Variants in NKAIN1 observed in about 807,000 individuals in gnomAD.
NKAIN1 encodes the protein sodium/potassium-transporting ATPase subunit beta-1-interacting protein 1.
NKAIN1 carries 13 observed loss-of-function variants against 31.6 expected under a neutral mutation model. The ratio of observed to expected loss-of-function variants is 0.41; its 90% confidence interval spans 0.27 to 0.65. The LOEUF is 0.65. NKAIN1 is among the 30% of genes least tolerant of loss of function. The pLI, the probability that NKAIN1 is intolerant of heterozygous loss-of-function variation, is 0.30. For synonymous variants in NKAIN1, 104 were observed against 109.0 expected (o/e 0.95, Z 0.28); for missense variants, 193 against 262.2 (o/e 0.74, Z 1.82).
chr1:31,187,897 G>A (rs1053263697), intron 2 of NKAIN1, among the ~76,000 whole-genome samples, 153 bp downstream of exon 2: 1 of 152,068 alleles, frequency 6.6e-6, no homozygotes, highest in Non-Finnish European at 1.5e-5. Context: ...AAGAAGCATG[G>A]GGCTGTGCAC....
rs189750872 is a variant in NKAIN1, at chr1:31,218,151, C to T, written c.54+21343G>A. 4.6e-3 allele frequency among the ~76,000 whole-genome samples: 699 copies of T among 151,546 alleles called. 5 individuals carry two copies. The highest frequency in any genetic ancestry group is 0.016 in the African/African-American group (653 of 41,202). ...ATTCTCAGCTCACTGCAGCCTCTGC[C>T]TCCCAGGTTCAAGCAATTCTCCTGC... On this transcript the variant is annotated intron_variant, in intron 1 of 6. Transcript: ENST00000373736.
intron 1 of NKAIN1, among the ~76,000 whole-genome samples, chr1:31,216,614 A>T (rs976479303): frequency 1.3e-5 from 2 of 152,132 alleles, no homozygotes; most frequent in Non-Finnish European, 2.9e-5. Context: ...GGAGAGCTGG[A>T]GGACTTTTCT....
Position 31,184,010 on chromosome 1 carries a change from C to G in NKAIN1, c.278G>C (p.Arg93Pro). The G allele has an allele frequency of 1.9e-6, 3 of 1,612,998 alleles. No individual in the cohort carries two copies. The highest frequency in any genetic ancestry group is 1.7e-6 in the Non-Finnish European group (2 of 1,179,590). ...YLEVGQLSQD[R>P]DFIMTFNTSL... ...TGTGTTGAAGGTCATGATGAAGTCC[C>G]GGTCCTGGGGGCAAAGGGGCCTGGG... Residue 93 changes from arginine (R) to proline (P), a missense_variant, in exon 4 of 7, where the codon CGG (arginine) becomes CCG (proline). Physicochemically the swap from Arg to Pro is moderately radical, Grantham distance 103 (BLOSUM62 -2). Transcript: ENST00000373736.
chr1:31,201,085 C>T (rs1645376725), intron 1 of NKAIN1, among the ~76,000 whole-genome samples: 1 of 152,114 alleles, frequency 6.6e-6, no homozygotes, highest in Admixed American at 6.6e-5. Flanking sequence ...GCGGGTGGAT[C>T]ACGAGGTCAG....
chr1:31,209,058 CACTGGGCCAAG>C (rs1028927925), intron 1 of NKAIN1, among the ~76,000 whole-genome samples: 4 of 152,208 alleles, frequency 2.6e-5, no homozygotes, highest in African/African-American at 9.7e-5. Context: ...AAGACCATCC[CACTGGGCCAAG>C]ACTGGGCCAA....
At chr1:31,222,583 A>T (rs1226077795) in intron 1 of NKAIN1, among the ~76,000 whole-genome samples, 1 of 152,202 alleles carries the variant, frequency 6.6e-6, no homozygotes, top group Non-Finnish European at 1.5e-5. Context: ...TGAGAGGAAG[A>T]GGAACAGGAG....
At chr1:31,201,656 C>G (rs180841215) in intron 1 of NKAIN1, among the ~76,000 whole-genome samples, 1 of 152,140 alleles carries the variant, frequency 6.6e-6, no homozygotes, top group Non-Finnish European at 1.5e-5. Context: ...CCACCGCGCC[C>G]GGCCAATCCT....
At chr1:31,198,924 T>C (rs1645353204) in intron 1 of NKAIN1, among the ~76,000 whole-genome samples, 2 of 152,126 alleles carry the variant, frequency 1.3e-5, no homozygotes, top group Admixed American at 1.3e-4. Flanking sequence ...CCACCCTAGC[T>C]CCAGGAAGCT....
At chr1:31,213,358 G>A (rs1264636465) in intron 1 of NKAIN1, among the ~76,000 whole-genome samples, 1 of 152,182 alleles carries the variant, frequency 6.6e-6, no homozygotes, top group Non-Finnish European at 1.5e-5. Context: ...AGTCATTTGG[G>A]AAATGCAAAT....
In NKAIN1 at chr1:31,183,894, C is replaced by T. The variant is rs771458192; in HGVS notation, c.394G>A (p.Val132Ile). Residue 132 changes from valine to isoleucine, a missense_variant, in exon 4 of 7, where the codon GTC becomes ATC. Physicochemically the swap from Val to Ile is conservative, Grantham distance 29. Transcript: ENST00000373736. Reference protein sequence around the residue: ...NSRLALEDHHVISVTGCLLDY... With the variant: ...NSRLALEDHHIISVTGCLLDY... ...AGCAGGCAGCCAGTGACAGAGATGACATGGTGGTCCTCCAGAGCCAGGCGG... is the reference window on the plus strand; with the variant it reads ...AGCAGGCAGCCAGTGACAGAGATGATATGGTGGTCCTCCAGAGCCAGGCGG... 2 of 1,614,130 alleles carry T rather than the reference C, an allele frequency of 1.2e-6. No individual in the cohort carries two copies. Among genetic ancestry groups the T allele is most frequent in the South Asian group, 2.2e-5 (2 of 91,082 alleles).
chr1:31,216,690 T>TTTTATCTATTTATCTATTTATTTATTTA (rs369336386), intron 1 of NKAIN1, among the ~76,000 whole-genome samples: 108 of 140,570 alleles, frequency 7.7e-4, no homozygotes, highest in East Asian at 6.7e-3. Flanking sequence ...TGGCATTGAC[T>TTTTATCTATTTATCTATTTATTTATTTA]TTTATTTATT....
intron 1 of NKAIN1, among the ~76,000 whole-genome samples, chr1:31,198,769 G>A (rs1645351731): frequency 6.6e-6 from 1 of 151,334 alleles, no homozygotes; most frequent in East Asian, 1.9e-4. Flanking sequence ...CAGCTGAAGG[G>A]GGATGCCGTT....
At chr1:31,200,019 ACACACG>A (rs1168863265) in intron 1 of NKAIN1, among the ~76,000 whole-genome samples, 4 of 68,616 alleles carry the variant, frequency 5.8e-5, no homozygotes, top group African/African-American at 1.0e-4. Context: ...ACATGCACAC[ACACACG>A]CACACACACA....
chr1:31,224,162 T>C (rs1278384053), intron 1 of NKAIN1, among the ~76,000 whole-genome samples: 1 of 152,236 alleles, frequency 6.6e-6, no homozygotes, highest in African/African-American at 2.4e-5. Context: ...GCTGCAGAGG[T>C]TGGGGACATC....
rs11303246 is a variant in NKAIN1, at chr1:31,186,394, GTT to G, written c.193-1069_193-1068del. Among the ~76,000 whole-genome samples the G allele has an allele frequency of 5.8e-3, 562 of 97,308 alleles. 7 individuals are homozygous for G. The highest frequency in any genetic ancestry group is 0.029 in the South Asian group (71 of 2,466). The allele number at this position is 97,308 out of a possible 152,430, so 63.8% of individuals were successfully genotyped here. On this transcript the variant is annotated intron_variant, in intron 2 of 6. Coordinates refer to ENST00000373736, the MANE Select transcript of NKAIN1 (RefSeq NM_024522.3). Reference sequence around the variant, plus strand: ...AAAAAAAAAGTCTTAATTCTTTTGTGTTTTTTTTTTTTTTTTTTTTTTTAAGA... The same window carrying G: ...AAAAAAAAAGTCTTAATTCTTTTGTGTTTTTTTTTTTTTTTTTTTTTAAGA...
Position 31,181,474 on chromosome 1 carries a change from C to T in NKAIN1, c.*229G>A, listed in dbSNP as rs1570445962. On this transcript the variant is annotated 3_prime_UTR_variant, in exon 7 of 7. Transcript: ENST00000373736. ...AACAAAAAACCCGTGGTGCCCCTCC[C>T]CCGCCCCGCCCCACTCCTCCGAAGT... The T allele has an allele frequency of 2.4e-6, 1 of 415,024 alleles. No individual in the cohort carries two copies. Among genetic ancestry groups the T allele is most frequent in the Non-Finnish European group, 4.3e-6 (1 of 233,916 alleles). The allele number at this position is 415,024 out of a possible 1,614,324, so 25.7% of individuals were successfully genotyped here.
intron 1 of NKAIN1, among the ~76,000 whole-genome samples, chr1:31,191,404 T>TG (rs985703683): frequency 4.2e-5 from 6 of 144,004 alleles, no homozygotes; most frequent in African/African-American, 1.2e-4. Flanking sequence ...AGAGAGGTTT[T>TG]TTTTTTTTTT....
intron 1 of NKAIN1, among the ~76,000 whole-genome samples, chr1:31,229,112 C>A (rs1645628560): frequency 6.6e-6 from 1 of 152,220 alleles, no homozygotes; most frequent in Admixed American, 6.5e-5. Flanking sequence ...TTCTGTCTTG[C>A]AGCTGAGGGC....
intron 1 of NKAIN1, among the ~76,000 whole-genome samples, chr1:31,198,359 A>G (rs1450511068): frequency 2.6e-5 from 4 of 152,022 alleles, no homozygotes; most frequent in African/African-American, 9.7e-5. Context: ...CATTCTAACC[A>G]ATGACTCAGT....
Sources: gnomAD v4.1 joint callset for allele counts (sites outside exome capture counted in the v4.1 genomes callset) on GRCh38, gnomAD v4.1.1 for gene constraint, MANE v1.5 for transcripts, NCBI Gene and HGNC (gene_info 2026-07-23, HGNC 2026-07-21) for gene names.